DEUP1: variants seen among roughly 807,000 people sequenced by gnomAD.
DEUP1 encodes coiled-coil domain containing 67.
DEUP1 carries 82 observed loss-of-function variants against 87.4 expected under a neutral mutation model. That is an observed-to-expected ratio of 0.94 (90% CI 0.78 to 1.13). The LOEUF (loss-of-function observed/expected upper bound fraction) is 1.13, where lower values mean the gene tolerates loss of function less well. DEUP1 is among the 50% of genes most tolerant of loss of function. The probability of loss-of-function intolerance (pLI) is 0.00; values close to 1 mark genes in which losing one functional copy is unlikely to be tolerated. For missense variants in DEUP1, 663 were observed against 681.5 expected, an observed-to-expected ratio of 0.97 and a Z score of 0.30; for synonymous variants, 214 against 222.7, an observed-to-expected ratio of 0.96 and a Z score of 0.35.
chr11:93,429,423 A>G (rs956815551), intron 13 of DEUP1, among the ~76,000 whole-genome samples: 1 of 152,214 alleles, frequency 6.6e-6, no homozygotes, highest in Non-Finnish European at 1.5e-5. Context: ...AAGTAAGCAC[A>G]TATTTCAGTC....
At chr11:93,332,177 T>A in intron 1 of DEUP1, 39 bp from the exon 2 acceptor site, 1 of 1,345,284 alleles carries the variant, frequency 7.4e-7, no homozygotes, top group Non-Finnish European at 1.0e-6. Flanking sequence ...TTAAAGAATA[T>A]AAACATTTTA....
intron 7 of DEUP1, among the ~76,000 whole-genome samples, chr11:93,379,446 T>A (rs1490843114): frequency 6.6e-6 from 1 of 152,146 alleles, no homozygotes; most frequent in Non-Finnish European, 1.5e-5. Flanking sequence ...TGAGGAACAT[T>A]ATTATAACAT....
chr11:93,397,466 A>G (rs985363693), intron 11 of DEUP1, among the ~76,000 whole-genome samples: 4 of 152,138 alleles, frequency 2.6e-5, no homozygotes, highest in African/African-American at 9.7e-5. Context: ...TGCCTCCGTG[A>G]GTGCTTTTTT....
chr11:93,332,831 CTT>C (rs1421379072), intron 2 of DEUP1, among the ~76,000 whole-genome samples: 3 of 152,208 alleles, frequency 2.0e-5, no homozygotes, highest in African/African-American at 7.2e-5. Flanking sequence ...TGTCCTAACT[CTT>C]TACCTGCTAC....
At chr11:93,373,933 C>T (rs1263768692) in intron 7 of DEUP1, among the ~76,000 whole-genome samples, 2 of 151,972 alleles carry the variant, frequency 1.3e-5, no homozygotes. Flanking sequence ...ACCTTTTCAC[C>T]ACAACCATAC....
rs200918155 is a variant in DEUP1, at chr11:93,438,011, GT to G, written c.*300del. The stretch of plus-strand genomic sequence containing the variant: ...GGAATATTTTGGAATCAAATATGCA[GT>G]TTTTTTTCCCCACTTGAATCATGTA... On this transcript the variant is annotated 3_prime_UTR_variant, in exon 14 of 14. Coordinates refer to ENST00000298050, the MANE Select transcript of DEUP1 (RefSeq NM_181645.4). 3.6e-5 allele frequency: 8 copies of G among 224,650 alleles called. No homozygotes were observed. The highest frequency in any genetic ancestry group is 9.5e-5 in the African/African-American group (4 of 42,322). The allele number at this position is 224,650 out of a possible 1,614,324, so 13.9% of individuals were successfully genotyped here.
chr11:93,332,283 G>A lies in DEUP1; in HGVS notation c.24G>A (p.Thr8=), dbSNP rs752444785. 9.3e-6 allele frequency: 15 copies of A among 1,607,738 alleles called. No individual in the cohort carries two copies. Among genetic ancestry groups the A allele is most frequent in the African/African-American group, 5.3e-5 (4 of 74,984 alleles). ...ACATGGAGAACCAAGCCCATAATAC[G>A]ATGGGGTAAGTGCTGAGAAATTTCT... MENQAHN[T]MGTSPCEAEL... Residue 8 remains threonine, a synonymous_variant, in exon 2 of 14, where the codon ACG becomes ACA. Coordinates refer to ENST00000298050, the MANE Select transcript of DEUP1 (RefSeq NM_181645.4).
chr11:93,352,372 G>A, intron 2 of DEUP1: 1 of 702,492 alleles, frequency 1.4e-6, no homozygotes, highest in South Asian at 1.5e-5. Flanking sequence ...CCAGCTCCCT[G>A]GAGAATGCTT....
intron 5 of DEUP1, among the ~76,000 whole-genome samples, chr11:93,368,580 A>G (rs1398079429): frequency 6.6e-6 from 1 of 152,188 alleles, no homozygotes; most frequent in Non-Finnish European, 1.5e-5. Flanking sequence ...ACACACTTTC[A>G]AACAACCAGA....
At chr11:93,415,552 A>G (rs1947589719) in intron 13 of DEUP1, among the ~76,000 whole-genome samples, 2 of 152,022 alleles carry the variant, frequency 1.3e-5, no homozygotes. Flanking sequence ...GAGTTATCAC[A>G]AAGGGAATGT....
chr11:93,341,121 T>C (rs1944048874), intron 2 of DEUP1, among the ~76,000 whole-genome samples: 1 of 152,116 alleles, frequency 6.6e-6, no homozygotes, highest in South Asian at 2.1e-4. Flanking sequence ...ATTTGGGATA[T>C]GAAGATATGG....
intron 2 of DEUP1, among the ~76,000 whole-genome samples, chr11:93,349,485 C>T (rs1944522824): frequency 6.6e-6 from 1 of 152,044 alleles, no homozygotes; most frequent in Non-Finnish European, 1.5e-5. Context: ...GTATATGGCA[C>T]CTAAACCAAA....
chr11:93,417,814 T>C (rs1279673919), intron 13 of DEUP1, among the ~76,000 whole-genome samples: 13 of 152,182 alleles, frequency 8.5e-5, no homozygotes, highest in African/African-American at 1.4e-4. Flanking sequence ...AACAGCATGG[T>C]ACTGGTACCA....
chr11:93,370,996 T>A, intron 6 of DEUP1, 42 bp from the exon 7 acceptor site: 1 of 1,547,936 alleles, frequency 6.5e-7, no homozygotes, highest in Non-Finnish European at 8.8e-7. Flanking sequence ...AGCTTAAATA[T>A]GACATTCTTC....
chr11:93,389,275 A>G, intron 9 of DEUP1, 150 bp downstream of exon 9: 1 of 614,576 alleles, frequency 1.6e-6, no homozygotes, highest in East Asian at 3.0e-5. Flanking sequence ...TAATTCCGAC[A>G]TTTTTCTGTG....
chr11:93,432,898 G>C (rs764145043), intron 13 of DEUP1, among the ~76,000 whole-genome samples: 68 of 152,244 alleles, frequency 4.5e-4, no homozygotes, highest in Middle Eastern at 3.4e-3. Context: ...TAGTGTCAAG[G>C]ACATGCTATG....
intron 13 of DEUP1, among the ~76,000 whole-genome samples, chr11:93,427,070 G>A (rs1425764872): frequency 1.6e-5 from 2 of 122,146 alleles, no homozygotes; most frequent in East Asian, 2.4e-4. Context: ...TGTAGATTCA[G>A]TGCCATCCGC....
At chr11:93,377,500 T>A (rs2134293507) in intron 7 of DEUP1, among the ~76,000 whole-genome samples, 1 of 152,250 alleles carries the variant, frequency 6.6e-6, no homozygotes, top group South Asian at 2.1e-4. Flanking sequence ...TAAGTTTGTG[T>A]GAGTCCTTAT....
At position 93,420,282 on chromosome 11, in the gene DEUP1, T is replaced by C. The variant is rs1466287967; in HGVS notation, c.1638+5168T>C. Among the ~76,000 whole-genome samples the C allele has an allele frequency of 3.3e-5, 5 of 152,080 alleles. No individual in the cohort carries two copies. The East Asian group carries it at 9.7e-4, about 29-fold the overall frequency. On this transcript the variant is annotated intron_variant, in intron 13 of 13. Coordinates refer to ENST00000298050, the MANE Select transcript of DEUP1 (RefSeq NM_181645.4). ...AACATACGCAAATCAATAAATGTAA[T>C]CCAGCATATAAACAGAACCAAAGAC... is the stretch of plus-strand genomic sequence containing the variant.
Sources: gnomAD v4.1 joint callset for allele counts (sites outside exome capture counted in the v4.1 genomes callset) on GRCh38, gnomAD v4.1.1 for gene constraint, MANE v1.5 for transcripts, NCBI Gene and HGNC (gene_info 2026-07-23, HGNC 2026-07-21) for gene names.